Variants in FAF1 observed in about 807,000 individuals in gnomAD.
FAF1 encodes the protein FAS-associated factor 1.
In FAF1, 25 loss-of-function variants were observed where a neutral mutation model predicts 92.5. The observed-to-expected ratio is 0.27, with a 90% CI of 0.20 to 0.38. FAF1 has a LOEUF of 0.38. Among genes scored for constraint, FAF1 ranks in the 10% least tolerant of loss-of-function variants. The probability of loss-of-function intolerance (pLI) is 1.00; values close to 1 mark genes in which losing one functional copy is unlikely to be tolerated. For missense variants in FAF1, 636 were observed against 793.3 expected, an observed-to-expected ratio of 0.80 and a Z score of 2.38; for synonymous variants, 234 against 273.2, an observed-to-expected ratio of 0.86 and a Z score of 1.42.
chr1:50,790,768 A>G (rs1661535298), intron 3 of FAF1, among the ~76,000 whole-genome samples: 1 of 151,998 alleles, frequency 6.6e-6, no homozygotes, highest in South Asian at 2.1e-4. Context: ...TGTTCATACA[A>G]TTAAGCAGAA....
chr1:50,797,205 T>C (rs1429247084), intron 3 of FAF1, among the ~76,000 whole-genome samples: 1 of 151,982 alleles, frequency 6.6e-6, no homozygotes, highest in Non-Finnish European at 1.5e-5. Context: ...TCCCATCAGT[T>C]TTCACTAACA....
intron 8 of FAF1, among the ~76,000 whole-genome samples, chr1:50,621,481 C>A (rs1371883356): frequency 1.4e-5 from 2 of 140,768 alleles, no homozygotes; most frequent in East Asian, 2.2e-4. Context: ...CTCACTGCAA[C>A]CTTCGCCTCT....
At chr1:50,630,527 C>A (rs1247968717) in intron 8 of FAF1, among the ~76,000 whole-genome samples, 1 of 152,156 alleles carries the variant, frequency 6.6e-6, no homozygotes, top group Admixed American at 6.5e-5. Flanking sequence ...AGACTATATG[C>A]CCTTTCCCCC....
intron 4 of FAF1, chr1:50,780,809 A>C (rs1449626218): frequency 2.5e-6 from 1 of 400,302 alleles, no homozygotes; most frequent in African/African-American, 2.0e-5. Context: ...CGGAGTGAGC[A>C]GCCACCTTTG....
intron 8 of FAF1, among the ~76,000 whole-genome samples, chr1:50,640,882 G>A (rs1210944500): frequency 7.9e-6 from 1 of 126,582 alleles, no homozygotes; most frequent in African/African-American, 3.0e-5. Context: ...TCGCCAGGCT[G>A]GAGTGCAGTG....
At chr1:50,605,905 G>A (rs1652360829) in intron 8 of FAF1, among the ~76,000 whole-genome samples, 1 of 152,136 alleles carries the variant, frequency 6.6e-6, no homozygotes, top group African/African-American at 2.4e-5. Flanking sequence ...TATATGTCAG[G>A]CACTTGGATC....
intron 7 of FAF1, among the ~76,000 whole-genome samples, chr1:50,664,810 AAAC>A (rs1655554076): frequency 6.6e-6 from 1 of 152,124 alleles, no homozygotes; most frequent in Non-Finnish European, 1.5e-5. Context: ...ACAAACAAAC[AAAC>A]AAACAAACAA....
At chr1:50,828,996 T>G (rs1341645408) in intron 2 of FAF1, among the ~76,000 whole-genome samples, 2 of 152,276 alleles carry the variant, frequency 1.3e-5, no homozygotes, top group Admixed American at 1.3e-4. Flanking sequence ...AAGATTTGAA[T>G]AGGCACTCAC....
intron 12 of FAF1, among the ~76,000 whole-genome samples, chr1:50,574,719 T>A (rs1274132609): frequency 2.0e-5 from 3 of 152,084 alleles, no homozygotes. Flanking sequence ...TAATTTTTCA[T>A]TAAAAATATA....
chr1:50,758,808 C>A (rs573002877), intron 4 of FAF1, among the ~76,000 whole-genome samples: 1 of 152,056 alleles, frequency 6.6e-6, no homozygotes, highest in Non-Finnish European at 1.5e-5. Flanking sequence ...TCCTGGTGTG[C>A]GCTGCTTCTG....
chr1:50,819,877 TTATA>T (rs1308636418), intron 2 of FAF1, among the ~76,000 whole-genome samples: 4 of 145,278 alleles, frequency 2.8e-5, no homozygotes, highest in Non-Finnish European at 4.5e-5. Flanking sequence ...ATTTATTTAT[TTATA>T]TATGTAAATA....
intron 8 of FAF1, among the ~76,000 whole-genome samples, chr1:50,631,658 T>G (rs1437859114): frequency 2.0e-5 from 3 of 152,236 alleles, no homozygotes; most frequent in Non-Finnish European, 4.4e-5. Flanking sequence ...ACTTGTTTTC[T>G]ATAAGTGAAA....
intron 3 of FAF1, among the ~76,000 whole-genome samples, chr1:50,801,248 C>T (rs1661978252): frequency 6.6e-6 from 1 of 152,154 alleles, no homozygotes; most frequent in South Asian, 2.1e-4. Flanking sequence ...GAGAAAAAGT[C>T]TGTAGTAAGC....
chr1:50,437,463 T>A lies in FAF1; in HGVS notation c.*3977A>T, dbSNP rs1463446950. ...GCAGTCGCACTATCATGGCTCACTG[T>A]AGCCTTGAACTCCTGGGCTCAAGTG... On this transcript the variant is annotated 3_prime_UTR_variant, in exon 19 of 19. Transcript: ENST00000396153. 1.3e-5 allele frequency: 2 copies of A among 152,022 alleles called. No homozygotes were observed. The highest frequency in any genetic ancestry group is 2.9e-5 in the Non-Finnish European group (2 of 68,018). The allele number at this position is 152,022 out of a possible 1,614,324, so 9.4% of individuals were successfully genotyped here. A position where few individuals can be genotyped will look rare whatever the true frequency, so the allele number is the denominator to read the frequency against.
At chr1:50,827,875 G>A (rs1206389542) in intron 2 of FAF1, among the ~76,000 whole-genome samples, 2 of 152,052 alleles carry the variant, frequency 1.3e-5, no homozygotes, top group Admixed American at 6.5e-5. Context: ...ATAAATGGAA[G>A]GATATTCTAT....
At chr1:50,865,161 T>A (rs1644469575) in intron 1 of FAF1, among the ~76,000 whole-genome samples, 1 of 152,264 alleles carries the variant, frequency 6.6e-6, no homozygotes, top group African/African-American at 2.4e-5. Context: ...CCAGTTAGAA[T>A]GGCGATCATT....
chr1:50,504,208 T>C (rs1647026131), intron 15 of FAF1, among the ~76,000 whole-genome samples: 1 of 149,136 alleles, frequency 6.7e-6, no homozygotes, highest in Non-Finnish European at 1.5e-5. Flanking sequence ...AAATAAAATA[T>C]GACAGAGAAG....
intron 1 of FAF1, among the ~76,000 whole-genome samples, chr1:50,953,821 G>A (rs561102417): frequency 2.0e-5 from 3 of 152,168 alleles, no homozygotes; most frequent in Non-Finnish European, 2.9e-5. Context: ...GACTAGGGGT[G>A]AAAAACAAAA....
chr1:50,601,518 C>T (rs1275996629), intron 8 of FAF1, among the ~76,000 whole-genome samples: 1 of 152,064 alleles, frequency 6.6e-6, no homozygotes, highest in African/African-American at 2.4e-5. Context: ...CCCGTCTCTA[C>T]TAAAAATACA....
Sources: gnomAD v4.1 joint callset for allele counts (sites outside exome capture counted in the v4.1 genomes callset) on GRCh38, gnomAD v4.1.1 for gene constraint, MANE v1.5 for transcripts, NCBI Gene and HGNC (gene_info 2026-07-23, HGNC 2026-07-21) for gene names.